PDE1A: variants seen among roughly 807,000 people sequenced by gnomAD.
PDE1A encodes the protein dual specificity calcium/calmodulin-dependent 3',5'-cyclic nucleotide phosphodiesterase 1A.
Under a neutral mutation model 61.7 loss-of-function variants are expected in PDE1A, and 35 were observed. The ratio of observed to expected loss-of-function variants is 0.57; its 90% CI spans 0.43 to 0.75. The LOEUF (loss-of-function observed/expected upper bound fraction) is 0.75. Ranked by LOEUF, PDE1A falls within the 30% of genes least tolerant of loss-of-function variation. PDE1A has a pLI of 0.00. For missense variants in PDE1A, 597 were observed against 630.6 expected (o/e 0.95, Z 0.57); for synonymous variants, 232 against 213.2 (o/e 1.09, Z -0.77).
the PDE1A span, among the ~76,000 whole-genome samples, chr2:182,573,880 T>TA: frequency 7.1e-6 from 1 of 140,696 alleles, no homozygotes; most frequent in Non-Finnish European, 1.5e-5. Flanking sequence ...TGTATATATA[T>TA]TAATATATAT....
the PDE1A span, among the ~76,000 whole-genome samples, chr2:182,564,564 G>A: frequency 1.3e-5 from 2 of 152,106 alleles, no homozygotes; most frequent in Non-Finnish European, 2.9e-5. Flanking sequence ...TATCTTTGTG[G>A]CGTTCTCTGT....
the PDE1A span, among the ~76,000 whole-genome samples, chr2:182,628,285 A>G: frequency 1.3e-5 from 2 of 152,356 alleles, 1 homozygote; most frequent in South Asian, 4.1e-4. Flanking sequence ...CAGGAAAACT[A>G]GAGAGCTTTC....
chr2:182,150,902 A>G (rs1459464802), intron 13 of PDE1A, among the ~76,000 whole-genome samples: 1 of 152,208 alleles, frequency 6.6e-6, no homozygotes, highest in East Asian at 1.9e-4. Flanking sequence ...TATCAAGTGG[A>G]TATTAGAGAC....
chr2:182,505,040 A>G (rs966163642), intron 2 of PDE1A, among the ~76,000 whole-genome samples: 5 of 152,208 alleles, frequency 3.3e-5, no homozygotes, highest in African/African-American at 1.2e-4. Context: ...CAGTCAGCTT[A>G]TCTCCCTGTC....
chr2:182,686,680 A>C, the PDE1A span, among the ~76,000 whole-genome samples: 2 of 152,306 alleles, frequency 1.3e-5, no homozygotes, highest in Middle Eastern at 6.8e-3. Flanking sequence ...CGGACAGTGC[A>C]TGCAGGACAG....
At chr2:182,665,088 T>C in the PDE1A span, among the ~76,000 whole-genome samples, 4 of 152,176 alleles carry the variant, frequency 2.6e-5, no homozygotes, top group South Asian at 8.3e-4. Context: ...TATGAAAAAT[T>C]ATAAACATAT....
the PDE1A span, among the ~76,000 whole-genome samples, chr2:182,708,469 A>G: frequency 6.6e-6 from 1 of 152,188 alleles, no homozygotes; most frequent in Non-Finnish European, 1.5e-5. Flanking sequence ...TGCCTGTATT[A>G]GTTTTTGCAC....
the PDE1A span, among the ~76,000 whole-genome samples, chr2:182,645,694 A>G: frequency 6.6e-6 from 1 of 152,220 alleles, no homozygotes; most frequent in Admixed American, 6.5e-5. Flanking sequence ...TAAGTCTACA[A>G]TTTCTAATGA....
rs111662919 is a variant in PDE1A, at chr2:182,520,573, T to C, written c.101+1703A>G. Among the ~76,000 whole-genome samples, 1,134 of 152,086 alleles carry C rather than the reference T, an allele frequency of 7.5e-3. 12 individuals are homozygous for C. The highest frequency in any genetic ancestry group is 0.013 in the Admixed American group (191 of 15,268). On this transcript the variant is annotated intron_variant, in intron 2 of 14. Coordinates refer to the PDE1A transcript ENST00000410103. ...TGACAGATTGATCTCTGAGACCAAC[T>C]GATACAGTGAGTCAGTAACTTTGCC...
chr2:182,705,920 A>G, the PDE1A span, among the ~76,000 whole-genome samples: 1 of 152,258 alleles, frequency 6.6e-6, no homozygotes, highest in Non-Finnish European at 1.5e-5. Flanking sequence ...ATAATTTCTT[A>G]CAAATGGAAT....
the PDE1A span, among the ~76,000 whole-genome samples, chr2:182,706,115 C>T: frequency 1.1e-3 from 160 of 152,256 alleles, no homozygotes; most frequent in African/African-American, 3.9e-3. Flanking sequence ...ATCCAAAAGC[C>T]ATCAGCAGGT....
intron 2 of PDE1A, among the ~76,000 whole-genome samples, chr2:182,519,455 T>C (rs1690424669): frequency 6.6e-6 from 1 of 151,800 alleles, no homozygotes; most frequent in African/African-American, 2.4e-5. Context: ...AAGAAGAAAA[T>C]TAATAGACTA....
At chr2:182,573,277 C>T in the PDE1A span, among the ~76,000 whole-genome samples, 110 of 152,252 alleles carry the variant, frequency 7.2e-4, no homozygotes, top group African/African-American at 2.5e-3. Flanking sequence ...AAAGACATCA[C>T]TGATCCTGTC....
chr2:182,605,811 A>AG, the PDE1A span, among the ~76,000 whole-genome samples: 1 of 152,224 alleles, frequency 6.6e-6, no homozygotes, highest in Admixed American at 6.5e-5. Flanking sequence ...GAGAGGAAGG[A>AG]GTAGCTTCGA....
In PDE1A at chr2:182,229,780, CT is replaced by C. The variant is rs10716042; in HGVS notation, c.675+225del. Among the ~76,000 whole-genome samples the C allele has an allele frequency of 0.56, 77,402 of 139,156 alleles. 20,434 individuals carry two copies. The highest frequency in any genetic ancestry group is 0.67 in the African/African-American group (25,914 of 38,696). The allele number at this position is 139,156 out of a possible 152,430, so 91.3% of individuals were successfully genotyped here. ...GTTTGGTAGTCCAAATTTTGGGAAA[CT>C]TTTTTTTTTTTTGCCTCTGGTTATC... On this transcript the variant is annotated intron_variant, in intron 6 of 13. Coordinates refer to ENST00000351439, the Ensembl canonical transcript of PDE1A.
chr2:182,619,183 T>C, the PDE1A span, among the ~76,000 whole-genome samples: 5 of 152,166 alleles, frequency 3.3e-5, no homozygotes, highest in Non-Finnish European at 1.5e-5. Context: ...ATGTATTCAA[T>C]GTGATAAGAA....
chr2:182,610,101 A>T, the PDE1A span, among the ~76,000 whole-genome samples: 9 of 151,714 alleles, frequency 5.9e-5, no homozygotes, highest in Admixed American at 2.0e-4. Flanking sequence ...AAAAAAAAAA[A>T]AGAAAGAAAT....
chr2:182,505,962 A>G (rs1408140019), intron 2 of PDE1A, among the ~76,000 whole-genome samples: 1 of 152,254 alleles, frequency 6.6e-6, no homozygotes, highest in Non-Finnish European at 1.5e-5. Flanking sequence ...AAGGCCACAC[A>G]TAAAGATGCT....
rs1574746378 is a variant in PDE1A at position 182,474,067 on chromosome 2, G to A, written c.101+48209C>T. On this transcript the variant is annotated intron_variant, in intron 2 of 14. Transcript: ENST00000410103. ...TAAGTCTTTGAGGTATCACCACGCTGTCTTCCACAATGGTTGAATTAATTT... is the reference window on the plus strand; with the variant it reads ...TAAGTCTTTGAGGTATCACCACGCTATCTTCCACAATGGTTGAATTAATTT... Among the ~76,000 whole-genome samples, 7 of 151,978 alleles carry A rather than the reference G, an allele frequency of 4.6e-5. No homozygotes were observed. The South Asian group carries it at 1.5e-3, about 32-fold the overall frequency.
Sources: allele counts gnomAD v4.1 joint callset (sites outside exome capture counted in the v4.1 genomes callset), GRCh38; gene constraint gnomAD v4.1.1; transcripts MANE v1.5; gene names NCBI Gene and HGNC (gene_info 2026-07-23, HGNC 2026-07-21).